Variants in ATR observed in about 807,000 individuals in gnomAD.
The protein encoded by ATR is ATR checkpoint kinase.
Under a neutral mutation model 305.3 loss-of-function variants are expected in ATR, and 142 were observed. The ratio of observed to expected loss-of-function variants is 0.47; its 90% CI spans 0.41 to 0.53. The LOEUF (loss-of-function observed/expected upper bound fraction) is 0.53. ATR is among the 20% of genes least tolerant of loss of function. The probability of loss-of-function intolerance (pLI) is 0.00; values close to 1 mark genes in which losing one functional copy is unlikely to be tolerated. For missense variants in ATR, 2,135 were observed against 3,133.1 expected (o/e 0.68, Z 7.60); for synonymous variants, 1,050 against 1,068.1 (o/e 0.98, Z 0.33).
chr3:142,574,004 A>G (rs1270925111), intron 1 of ATR, among the ~76,000 whole-genome samples: 1 of 152,260 alleles, frequency 6.6e-6, no homozygotes, highest in Non-Finnish European at 1.5e-5. Flanking sequence ...AAAAATGTGA[A>G]CAAAGAGGAA....
chr3:142,526,395 T>G lies in ATR; in HGVS notation c.3946-2196A>C, dbSNP rs550061189. Among the ~76,000 whole-genome samples, 6 of 152,192 alleles carry G rather than the reference T, an allele frequency of 3.9e-5. No individual in the cohort carries two copies. The South Asian group carries it at 1.2e-3, about 32-fold the overall frequency. On this transcript the variant is annotated intron_variant, in intron 21 of 46. Transcript: ENST00000350721. ...TCCAACTTTTATGTCTGATTGCTTT[T>G]TTCCCTAAATTCCTTAGCCAATACC...
At chr3:142,493,096 C>CA (rs749668157) in intron 35 of ATR, 36 bp downstream of exon 35, 1 of 1,600,104 alleles carries the variant, frequency 6.2e-7, no homozygotes, top group South Asian at 1.1e-5. Flanking sequence ...ACGTAGTCAA[C>CA]AGAGTTAACT....
At chr3:142,530,961 T>C (rs2033615969) in intron 21 of ATR, among the ~76,000 whole-genome samples, 1 of 152,206 alleles carries the variant, frequency 6.6e-6, no homozygotes, top group Non-Finnish European at 1.5e-5. Context: ...TCTTAGTTCC[T>C]ATTCTTCATT....
chr3:142,574,110 T>C (rs1418167152), intron 1 of ATR, among the ~76,000 whole-genome samples: 3 of 152,188 alleles, frequency 2.0e-5, no homozygotes, highest in African/African-American at 7.2e-5. Flanking sequence ...TTTGTGTAAT[T>C]TTTAAAAATC....
In ATR at chr3:142,576,237, C is replaced by T. The variant is rs368883525; in HGVS notation, c.59+2409G>A. Among the ~76,000 whole-genome samples the T allele has an allele frequency of 3.3e-5, 5 of 152,258 alleles. No homozygotes were observed. In the South Asian group the frequency reaches 6.2e-4, roughly 19 times the overall value. ...CCTAGGCTTTTGGTTGGCATATTTA[C>T]GATAACACAGGAGAAGGAACAAATT... On this transcript the variant is annotated intron_variant, in intron 1 of 46. Transcript: ENST00000350721.
At chr3:142,526,195 T>C (rs1379222166) in intron 21 of ATR, among the ~76,000 whole-genome samples, 3 of 152,200 alleles carry the variant, frequency 2.0e-5, no homozygotes, top group Non-Finnish European at 4.4e-5. Context: ...TTAATTTTTA[T>C]GTTAATTTTA....
intron 36 of ATR, among the ~76,000 whole-genome samples, chr3:142,473,136 C>T (rs2071334916): frequency 1.3e-5 from 2 of 152,124 alleles, no homozygotes; most frequent in African/African-American, 4.8e-5. Context: ...CTTTTGTTGG[C>T]TGTGCTTTTT....
chr3:142,486,018 C>G (rs1021664201), intron 35 of ATR, among the ~76,000 whole-genome samples: 1 of 152,160 alleles, frequency 6.6e-6, no homozygotes, highest in Non-Finnish European at 1.5e-5. Flanking sequence ...TCTGTGAGGC[C>G]ACCATCTTCC....
At chr3:142,483,866 T>G (rs1025537103) in intron 36 of ATR, among the ~76,000 whole-genome samples, 1 of 146,352 alleles carries the variant, frequency 6.8e-6, no homozygotes, top group Non-Finnish European at 1.5e-5. Flanking sequence ...TGAAATAAAA[T>G]AAAATAAAAT....
chr3:142,576,681 A>G (rs1479831334), intron 1 of ATR, among the ~76,000 whole-genome samples: 1 of 152,258 alleles, frequency 6.6e-6, no homozygotes, highest in Non-Finnish European at 1.5e-5. Flanking sequence ...TAGGACACTC[A>G]GTGAAACTAC....
intron 10 of ATR, among the ~76,000 whole-genome samples, chr3:142,554,361 G>A (rs1454053676): frequency 6.6e-6 from 1 of 151,992 alleles, no homozygotes; most frequent in African/African-American, 2.4e-5. Context: ...CCAAGTAGCT[G>A]GGACCACAGG....
At chr3:142,451,485 CA>C in intron 46 of ATR, 1 of 1,475,946 alleles carries the variant, frequency 6.8e-7, no homozygotes. Context: ...AGACATCTTA[CA>C]AAAGAACACA....
chr3:142,556,063 G>A lies in ATR; in HGVS notation c.2155C>T (p.His719Tyr), dbSNP rs1030962754. 1 of 1,613,880 alleles carries A rather than the reference G, an allele frequency of 6.2e-7. No homozygotes were observed. Among genetic ancestry groups the A allele is most frequent in the African/African-American group, 1.3e-5 (1 of 74,908 alleles). ...SILGQLVCTLHGMFYLTSSLT... is the reference protein window; with the variant it reads ...SILGQLVCTLYGMFYLTSSLT... Reference sequence around the variant, plus strand: ...GAACTTGTCAGATAAAACATGCCGTGAAGAGTACAGACAAGTTGACCAAGT... The same window carrying A: ...GAACTTGTCAGATAAAACATGCCGTAAAGAGTACAGACAAGTTGACCAAGT... Residue 719 changes from histidine (H) to tyrosine (Y), a missense_variant, in exon 10 of 47, where the codon CAC becomes TAC. Physicochemically the swap from His to Tyr is moderately conservative, Grantham distance 83. Coordinates refer to ENST00000350721, the MANE Select transcript of ATR (RefSeq NM_001184.4).
chr3:142,449,936 CA>C, intron 46 of ATR: 1 of 384,132 alleles, frequency 2.6e-6, no homozygotes, highest in South Asian at 2.5e-5. Flanking sequence ...AATGAATATT[CA>C]AATAACAATG....
In ATR at chr3:142,555,897, A is replaced by AT. The variant is rs757500301; in HGVS notation, c.2320dup (p.Ile774AsnfsTer3). The AT allele has an allele frequency of 9.6e-4, 1,410 of 1,463,242 alleles. No homozygotes were observed. The highest frequency in any genetic ancestry group is 2.7e-3 in the Admixed American group (144 of 54,162). The allele number at this position is 1,463,242 out of a possible 1,614,324, so 90.6% of individuals were successfully genotyped here. A position where few individuals can be genotyped will look rare whatever the true frequency, so the allele number is the denominator to read the frequency against. ...CTCACCAAGTTTTACTGGACTAGGTATTTTTTTTTTCAGTAGGAAAAGGAA... is the reference window on the plus strand; with the variant it reads ...CTCACCAAGTTTTACTGGACTAGGTATTTTTTTTTTTCAGTAGGAAAAGGAA... On this transcript the variant is annotated frameshift_variant, in exon 10 of 47. Coordinates refer to ENST00000350721, the MANE Select transcript of ATR (RefSeq NM_001184.4). LOFTEE classifies it high-confidence loss of function.
At chr3:142,477,327 T>G (rs1445373210) in intron 36 of ATR, among the ~76,000 whole-genome samples, 1 of 152,234 alleles carries the variant, frequency 6.6e-6, no homozygotes, top group Non-Finnish European at 1.5e-5. Flanking sequence ...GTCAAAGGCC[T>G]TTTCTGCATC....
At chr3:142,449,914 C>G (rs2070747284) in intron 46 of ATR, 1 of 403,632 alleles carries the variant, frequency 2.5e-6, no homozygotes, top group African/African-American at 2.0e-5. Context: ...GTGTTTAGGA[C>G]TTAAACATTT....
chr3:142,566,794 A>G (rs1486149991), intron 2 of ATR, among the ~76,000 whole-genome samples: 2 of 150,870 alleles, frequency 1.3e-5, no homozygotes, highest in African/African-American at 2.4e-5. Flanking sequence ...CCCAGGCTGG[A>G]GTGTAGTGGT....
chr3:142,556,541 C>T lies in ATR; in HGVS notation c.1920G>A (p.Leu640=), dbSNP rs1324500264. The T allele has an allele frequency of 6.2e-7, 1 of 1,613,964 alleles. No homozygotes were observed. Among genetic ancestry groups the T allele is most frequent in the Admixed American group, 1.7e-5 (1 of 60,000 alleles). ...GGAATATTCTTCTTGGAAACAGAGT[C>T]AGAAGAAACACACATCGTGATTGTG... ...PQAQSRCVFL[L]TLFPRRIFLE... is the part of the protein sequence containing the mutation. The change falls in exon 9 of 47, where the codon CTG becomes CTA. Residue 640 remains leucine (L), a synonymous_variant. Transcript: ENST00000350721.
Sources: allele counts gnomAD v4.1 joint callset (sites outside exome capture counted in the v4.1 genomes callset), GRCh38; gene constraint gnomAD v4.1.1; transcripts MANE v1.5; gene names NCBI Gene and HGNC (gene_info 2026-07-23, HGNC 2026-07-21).